Variants in MET observed in about 807,000 individuals in gnomAD.
The protein encoded by MET is MET proto-oncogene, receptor tyrosine kinase.
Under a neutral mutation model 133.1 loss-of-function variants are expected in MET, and 48 were observed. The observed-to-expected ratio is 0.36, with a 90% CI of 0.29 to 0.46. MET has a LOEUF of 0.46. Among genes scored for constraint, MET ranks in the 20% least tolerant of loss-of-function variants. The probability of loss-of-function intolerance (pLI) is 1.00; values close to 1 mark genes in which losing one functional copy is unlikely to be tolerated. For synonymous variants in MET, 628 were observed against 616.5 expected (o/e 1.02, Z -0.28); for missense variants, 1,442 against 1,695.9 (o/e 0.85, Z 2.63).
intron 1 of MET, among the ~76,000 whole-genome samples, chr7:116,680,718 G>A (rs769454967): frequency 1.3e-5 from 2 of 152,100 alleles, no homozygotes; most frequent in Non-Finnish European, 2.9e-5. Context: ...AAGGTGGGTG[G>A]ATGGCTTGAG....
At chr7:116,771,741 G>C (rs2116994300) in intron 13 of MET, 87 bp downstream of exon 13, 1 of 1,606,984 alleles carries the variant, frequency 6.2e-7, no homozygotes, top group Admixed American at 1.7e-5. Flanking sequence ...CTTGTGTGCT[G>C]TCTTATATGT....
At chr7:116,739,464 T>C (rs1407682776) in intron 3 of MET, among the ~76,000 whole-genome samples, 2 of 152,212 alleles carry the variant, frequency 1.3e-5, no homozygotes, top group Non-Finnish European at 2.9e-5. Context: ...GATCTATAAA[T>C]GTGGCTTAAG....
Position 116,771,839 on chromosome 7 carries a change from C to T in MET, c.2888-10C>T, listed in dbSNP as rs1060504945. ...TCTTTAACAAGCTCTTTCTTTCTCT[C>T]TGTTTTAAGATCTGGGCAGTGAATT... is the stretch of plus-strand genomic sequence containing the variant. On this transcript the variant is annotated splice_polypyrimidine_tract_variant and intron_variant, in intron 13 of 20. Transcript: ENST00000397752. The T allele has an allele frequency of 6.2e-7, 1 of 1,613,706 alleles. No homozygotes were observed. The highest frequency in any genetic ancestry group is 8.5e-7 in the Non-Finnish European group (1 of 1,179,790).
At chr7:116,755,334 A>G in intron 5 of MET, 21 bp from the exon 6 acceptor site, 1 of 1,613,158 alleles carries the variant, frequency 6.2e-7, no homozygotes, top group Middle Eastern at 1.6e-4. Context: ...TTTTTTTAAA[A>G]GTTCTATGTT....
chr7:116,778,729 T>C, intron 16 of MET, 47 bp from the exon 17 acceptor site: 1 of 1,593,484 alleles, frequency 6.3e-7, no homozygotes, highest in Non-Finnish European at 8.6e-7. Flanking sequence ...ACAAAAGTAT[T>C]CACTGTTCCA....
rs56212730 is a variant in MET at position 116,792,456 on chromosome 7, G to GACACACACACACAC, written c.3799-3166_3799-3153dup. On this transcript the variant is annotated intron_variant, in intron 19 of 20. Coordinates refer to ENST00000397752, the MANE Select transcript of MET (RefSeq NM_000245.4). ...ACCCCCGACCCCCCCTCAACCGACA[G>GACACACACACACAC]ACACACACACACACACACACACACA... Among the ~76,000 whole-genome samples the GACACACACACACAC allele has an allele frequency of 2.0e-3, 164 of 80,728 alleles. 3 individuals carry two copies. The highest frequency in any genetic ancestry group is 9.0e-3 in the African/African-American group (148 of 16,530). The allele number at this position is 80,728 out of a possible 152,430, so 53.0% of individuals were successfully genotyped here. A position where few individuals can be genotyped will look rare whatever the true frequency, so the allele number is the denominator to read the frequency against.
intron 15 of MET, among the ~76,000 whole-genome samples, chr7:116,776,801 G>A (rs1426445660): frequency 6.6e-6 from 1 of 152,188 alleles, no homozygotes; most frequent in African/African-American, 2.4e-5. Context: ...GAGAGAACTG[G>A]ATGAAGTGAG....
At chr7:116,754,358 C>T (rs914668316) in intron 5 of MET, among the ~76,000 whole-genome samples, 1 of 151,992 alleles carries the variant, frequency 6.6e-6, no homozygotes, top group East Asian at 1.9e-4. Context: ...CAGAGCAAGG[C>T]GTATAATGGC....
At chr7:116,715,033 T>C (rs1015385973) in intron 2 of MET, among the ~76,000 whole-genome samples, 2 of 152,212 alleles carry the variant, frequency 1.3e-5, no homozygotes, top group African/African-American at 4.8e-5. Context: ...TTTGTCTTCA[T>C]AGGCATTATG....
chr7:116,685,736 G>T (rs142608712), intron 1 of MET, among the ~76,000 whole-genome samples: 1 of 151,908 alleles, frequency 6.6e-6, no homozygotes, highest in African/African-American at 2.4e-5. Context: ...TACATTCCTG[G>T]TCTCCTCATA....
intron 2 of MET, among the ~76,000 whole-genome samples, chr7:116,702,224 G>T (rs991329093): frequency 6.6e-6 from 1 of 152,042 alleles, no homozygotes; most frequent in Non-Finnish European, 1.5e-5. Flanking sequence ...AAATTCTTGC[G>T]GGAAACAAGA....
At chr7:116,695,747 C>A in intron 1 of MET, 1 of 487,802 alleles carries the variant, frequency 2.1e-6, no homozygotes, top group Non-Finnish European at 4.2e-6. Context: ...TCCTTCTTCA[C>A]AGGGTGGTGA....
chr7:116,769,297 T>C (rs531578294), intron 11 of MET, among the ~76,000 whole-genome samples: 1 of 152,194 alleles, frequency 6.6e-6, no homozygotes, highest in Non-Finnish European at 1.5e-5. Context: ...ATCTCTACAT[T>C]GCGTCTTTTT....
At chr7:116,703,320 C>A (rs1188882005) in intron 2 of MET, among the ~76,000 whole-genome samples, 2 of 152,136 alleles carry the variant, frequency 1.3e-5, no homozygotes, top group Non-Finnish European at 2.9e-5. Flanking sequence ...ATATTGAGTA[C>A]TATGAGATTA....
In MET at chr7:116,741,079, TTTTTGG is replaced by T; in HGVS notation, c.1701+58_1701+63del. ...GTTTTTGTTTGGTGTTTTTTTTTTT[TTTTTGG>T]TTTGGTTTGGTTTGTTTTTTGTTTT... On this transcript the variant is annotated intron_variant, in intron 5 of 20. Transcript: ENST00000397752. 3.1e-6 allele frequency: 5 copies of T among 1,602,120 alleles called. No homozygotes were observed. In the African/African-American group the frequency reaches 4.0e-5, roughly 13 times the overall value.
intron 2 of MET, among the ~76,000 whole-genome samples, chr7:116,707,602 AT>A (rs1453638954): frequency 6.6e-6 from 1 of 152,188 alleles, no homozygotes; most frequent in Non-Finnish European, 1.5e-5. Flanking sequence ...AATGTTTTAA[AT>A]TTTAAAATGT....
chr7:116,779,645 C>T (rs1302379818), intron 17 of MET, among the ~76,000 whole-genome samples: 1 of 151,888 alleles, frequency 6.6e-6, no homozygotes, highest in African/African-American at 2.4e-5. Context: ...CCATGAGCCA[C>T]ATGTAAAAGG....
chr7:116,771,049 T>A (rs185823960), intron 12 of MET, among the ~76,000 whole-genome samples: 1 of 152,296 alleles, frequency 6.6e-6, no homozygotes, highest in Admixed American at 6.5e-5. Context: ...TATTGTTCCA[T>A]CATAACAGTA....
At chr7:116,730,810 T>C (rs1414437811) in intron 2 of MET, among the ~76,000 whole-genome samples, 1 of 152,144 alleles carries the variant, frequency 6.6e-6, no homozygotes, top group African/African-American at 2.4e-5. Flanking sequence ...AGGATGGGCA[T>C]GTTGTTGAAT....
Sources: allele counts gnomAD v4.1 joint callset (sites outside exome capture counted in the v4.1 genomes callset), GRCh38; gene constraint gnomAD v4.1.1; transcripts MANE v1.5; gene names NCBI Gene and HGNC (gene_info 2026-07-23, HGNC 2026-07-21).